The following TMEM51 variants were observed in gnomAD, a reference collection of about 807,000 sequenced individuals.
The protein encoded by TMEM51 is transmembrane protein 51, also known as chromosome 1 open reading frame 72.
A neutral mutation model predicts 13.6 loss-of-function variants in TMEM51; 8 were observed. The observed-to-expected ratio is 0.59, with a 90% CI of 0.35 to 1.07. TMEM51 has a LOEUF of 1.07. Ranked by LOEUF, TMEM51 falls within the 50% of genes least tolerant of loss-of-function variation. The probability of loss-of-function intolerance (pLI) is 0.02; values close to 1 mark genes in which losing one functional copy is unlikely to be tolerated. For missense variants in TMEM51, 279 were observed against 330.7 expected, an observed-to-expected ratio of 0.84 and a Z score of 1.21; for synonymous variants, 147 against 144.4, an observed-to-expected ratio of 1.02 and a Z score of -0.13.
chr1:15,219,768 C>T lies in TMEM51; in HGVS notation c.*25C>T. On this transcript the variant is annotated 3_prime_UTR_variant, in exon 4 of 4. Coordinates refer to ENST00000376008, the MANE Select transcript of TMEM51 (RefSeq NM_001136218.2). ...AATGGCCCCACTTGAGCCACGCTCC[C>T]TCCTGTCTCTCACACCTTTCACCCC... 1 of 1,604,506 alleles carries T rather than the reference C, an allele frequency of 6.2e-7. No individual in the cohort carries two copies. The highest frequency in any genetic ancestry group is 8.5e-7 in the Non-Finnish European group (1 of 1,175,374).
intron 1 of TMEM51, among the ~76,000 whole-genome samples, chr1:15,155,783 T>C (rs1172716231): frequency 1.3e-5 from 2 of 148,290 alleles, no homozygotes; most frequent in Non-Finnish European, 3.0e-5. Flanking sequence ...ATTCAACATA[T>C]GTTGGCCGAG....
upstream of TMEM51, among the ~76,000 whole-genome samples, chr1:15,153,546 C>G (rs1208045762): frequency 2.6e-5 from 4 of 152,070 alleles, no homozygotes; most frequent in African/African-American, 9.7e-5. Context: ...GGCACACGCT[C>G]AGCGCGCTCC....
chr1:15,175,335 G>A (rs1031327347), intron 1 of TMEM51, among the ~76,000 whole-genome samples: 1 of 152,202 alleles, frequency 6.6e-6, no homozygotes, highest in Non-Finnish European at 1.5e-5. Flanking sequence ...GGGAGGCAGA[G>A]GTTGCAGTGA....
Position 15,219,876 on chromosome 1 carries a change from C to CG in TMEM51, c.*141dup, listed in dbSNP as rs367709248. ...ATGGAGCCATTTGGATGGCGGCGGG[C>CG]GGGGGGGGATTCTCTGTATCAGGAG... On this transcript the variant is annotated 3_prime_UTR_variant, in exon 4 of 4. Transcript: ENST00000376008. The CG allele has an allele frequency of 2.3e-4, 224 of 965,310 alleles. No homozygotes were observed. The highest frequency in any genetic ancestry group is 5.5e-4 in the South Asian group (32 of 58,310). The allele number at this position is 965,310 out of a possible 1,614,324, so 59.8% of individuals were successfully genotyped here.
intron 1 of TMEM51, among the ~76,000 whole-genome samples, chr1:15,197,954 CAAAA>C (rs34377131): frequency 2.1e-5 from 2 of 96,234 alleles, no homozygotes; most frequent in African/African-American, 3.8e-5. Flanking sequence ...CTATACATGA[CAAAA>C]AAAAAAAAAA....
intron 1 of TMEM51, among the ~76,000 whole-genome samples, chr1:15,154,171 G>A (rs1642504549): frequency 6.6e-6 from 1 of 152,132 alleles, no homozygotes; most frequent in South Asian, 2.1e-4. Flanking sequence ...CGCCTCCCGG[G>A]CACCGCGCCT....
chr1:15,186,452 G>A (rs1391394053), intron 1 of TMEM51, among the ~76,000 whole-genome samples: 1 of 152,174 alleles, frequency 6.6e-6, no homozygotes, highest in African/African-American at 2.4e-5. Flanking sequence ...TTTGTGACTT[G>A]CCCCTGAATG....
intron 1 of TMEM51, among the ~76,000 whole-genome samples, chr1:15,196,378 CTGTGTGTGTGTGTGCATG>C (rs1362058437): frequency 1.9e-5 from 2 of 103,120 alleles, no homozygotes; most frequent in African/African-American, 7.7e-5. Context: ...CAAATCTGGG[CTGTGTGTGTGTGTGCATG>C]TGTGTGTGTG....
intron 3 of TMEM51, among the ~76,000 whole-genome samples, chr1:15,217,985 C>T (rs1644455776): frequency 6.6e-6 from 1 of 152,296 alleles, no homozygotes; most frequent in South Asian, 2.1e-4. Flanking sequence ...CATTCCCCAC[C>T]CTAGCTGTGA....
intron 1 of TMEM51, chr1:15,164,569 C>G (rs1642917465): frequency 1.2e-5 from 5 of 433,970 alleles, no homozygotes; most frequent in Admixed American, 4.9e-5. Flanking sequence ...AAGGTGGTGT[C>G]TGCCACATTT....
At chr1:15,213,754 C>G (rs983667671) in intron 2 of TMEM51, among the ~76,000 whole-genome samples, 4 of 152,188 alleles carry the variant, frequency 2.6e-5, no homozygotes, top group African/African-American at 9.7e-5. Flanking sequence ...TCCCTTTTAA[C>G]AAAGGGAGAA....
intron 1 of TMEM51, among the ~76,000 whole-genome samples, chr1:15,197,443 T>G (rs2100297928): frequency 6.6e-6 from 1 of 152,286 alleles, no homozygotes; most frequent in East Asian, 1.9e-4. Context: ...CCTCCTCCTG[T>G]GACCTTTGGA....
At position 15,207,621 on chromosome 1, in the gene TMEM51, C is replaced by T. The variant is rs1263523994; in HGVS notation, c.-266-2869C>T. Among the ~76,000 whole-genome samples, 7 of 152,218 alleles carry T rather than the reference C, an allele frequency of 4.6e-5. No individual in the cohort carries two copies. In the East Asian group the frequency reaches 1.3e-3, roughly 29 times the overall value. On this transcript the variant is annotated intron_variant, in intron 1 of 3. Coordinates refer to ENST00000376008, the MANE Select transcript of TMEM51 (RefSeq NM_001136218.2). The surrounding 1 kb of genome is among the most constrained non-coding windows in gnomAD (Gnocchi z 4.6). ...CGACTCCTCCACACCCACTGCACAGCCCCTCCCTGCCGGCTCTGGTTGGCC... is the reference window on the plus strand; with the variant it reads ...CGACTCCTCCACACCCACTGCACAGTCCCTCCCTGCCGGCTCTGGTTGGCC...
At position 15,215,410 on chromosome 1, in the gene TMEM51, C is replaced by CGCCTGAGCACGTAAGACATCTGGAATGCA; in HGVS notation, c.323_324insGCCTGAGCACGTAAGACATCTGGAATGCA (p.His109ProfsTer39). 1 of 1,605,310 alleles carries CGCCTGAGCACGTAAGACATCTGGAATGCA rather than the reference C, an allele frequency of 6.2e-7. No homozygotes were observed. ...GTCCAGCACCCGACAGGCGCTGGGC[C>CGCCTGAGCACGTAAGACATCTGGAATGCA]TCACGCCCAGGAGGAAGACAGGTGA... is the stretch of plus-strand genomic sequence containing the variant. On this transcript the variant is annotated frameshift_variant, in exon 3 of 4. Coordinates refer to ENST00000376008, the MANE Select transcript of TMEM51 (RefSeq NM_001136218.2). LOFTEE classifies it low-confidence loss of function (END_TRUNC).
intron 2 of TMEM51, among the ~76,000 whole-genome samples, chr1:15,211,821 A>ACC (rs3078883): frequency 4.9e-5 from 5 of 101,252 alleles, no homozygotes; most frequent in South Asian, 3.6e-4. Flanking sequence ...CTGAAAGGTG[A>ACC]CCCCCCCCCC....
intron 1 of TMEM51, among the ~76,000 whole-genome samples, chr1:15,193,180 G>A (rs1643969218): frequency 6.6e-6 from 1 of 152,190 alleles, no homozygotes; most frequent in South Asian, 2.1e-4. Flanking sequence ...TCATCTGGGG[G>A]TTTCTGAATT....
intron 1 of TMEM51, among the ~76,000 whole-genome samples, chr1:15,191,221 C>G (rs765210670): frequency 6.4e-4 from 98 of 152,324 alleles, no homozygotes; most frequent in Non-Finnish European, 1.2e-3. Context: ...CAGGTGGCCT[C>G]TAGAAGCTGG....
chr1:15,166,307 C>A (rs773658021), intron 1 of TMEM51, among the ~76,000 whole-genome samples: 59 of 152,174 alleles, frequency 3.9e-4, no homozygotes, highest in Non-Finnish European at 6.8e-4. Context: ...AGCTGCCACT[C>A]CTGGTGGTTG....
Position 15,161,595 on chromosome 1 carries a change from C to T in TMEM51, c.-267+7641C>T, listed in dbSNP as rs1158739732. 6.6e-6 allele frequency among the ~76,000 whole-genome samples: 1 copy of T among 151,938 alleles called. No homozygotes were observed. Among genetic ancestry groups the T allele is most frequent in the Non-Finnish European group, 1.5e-5 (1 of 68,024 alleles). ...TTCTGGGTGCATACTTGTCTTAGTC[C>T]ATTTGTGTTGCTGTAAAGAAATACC... On this transcript the variant is annotated intron_variant, in intron 1 of 3. Coordinates refer to ENST00000376008, the MANE Select transcript of TMEM51 (RefSeq NM_001136218.2). The surrounding 1 kb of genome is among the most constrained non-coding windows in gnomAD (Gnocchi z 4.0).
Sources: gnomAD v4.1 joint callset for allele counts (sites outside exome capture counted in the v4.1 genomes callset) on GRCh38, gnomAD v4.1.1 for gene constraint, Gnocchi (gnomAD v3.1) non-coding constraint, MANE v1.5 for transcripts, NCBI Gene and HGNC (gene_info 2026-07-23, HGNC 2026-07-21) for gene names.